The following DPP6 variants were observed in gnomAD, a reference collection of about 807,000 sequenced individuals.
DPP6 encodes dipeptidyl peptidase like 6, also known as A-type potassium channel modulatory protein DPP6.
Under a neutral mutation model 122.6 loss-of-function variants are expected in DPP6, and 69 were observed. The observed-to-expected ratio is 0.56, with a 90% confidence interval of 0.46 to 0.69. The LOEUF (loss-of-function observed/expected upper bound fraction) is 0.69. Ranked by LOEUF, DPP6 falls within the 30% of genes least tolerant of loss-of-function variation. The pLI, the probability that DPP6 is intolerant of heterozygous loss-of-function variation, is 0.00. For missense variants in DPP6, 928 were observed against 1,116.9 expected, an observed-to-expected ratio of 0.83 and a Z score of 2.41; for synonymous variants, 418 against 433.1, an observed-to-expected ratio of 0.97 and a Z score of 0.43.
chr7:154,557,174 A>G (rs964069790), intron 4 of DPP6, among the ~76,000 whole-genome samples: 1 of 152,222 alleles, frequency 6.6e-6, no homozygotes, highest in African/African-American at 2.4e-5. Flanking sequence ...TCCACCAGAT[A>G]AGTGGAGCCA....
Position 154,186,191 on chromosome 7 carries a change from A to G in DPP6, c.243+133128A>G, listed in dbSNP as rs1585580565. 2.0e-5 allele frequency among the ~76,000 whole-genome samples: 3 copies of G among 151,622 alleles called. No homozygotes were observed. The East Asian group carries it at 5.9e-4, about 30-fold the overall frequency. Reference sequence around the variant, plus strand: ...TTCACCAAATATCTGTGTAGATAGGACTGGGAACATCTGATTAAATGTGTT... The same window carrying G: ...TTCACCAAATATCTGTGTAGATAGGGCTGGGAACATCTGATTAAATGTGTT... On this transcript the variant is annotated intron_variant, in intron 1 of 25. Transcript: ENST00000377770.
intron 1 of DPP6, among the ~76,000 whole-genome samples, chr7:154,273,558 A>G (rs966610107): frequency 4.7e-4 from 71 of 152,278 alleles, no homozygotes; most frequent in Non-Finnish European, 3.5e-4. Flanking sequence ...TTTCTGTGTA[A>G]CAATGCACAT....
At chr7:154,511,099 G>A (rs186513873) in intron 3 of DPP6, among the ~76,000 whole-genome samples, 15 of 152,146 alleles carry the variant, frequency 9.9e-5, no homozygotes, top group African/African-American at 3.4e-4. Context: ...AGGAAAATTC[G>A]ATATCACTTT....
At chr7:154,861,663 A>ACAT (rs1436625315) in intron 17 of DPP6, among the ~76,000 whole-genome samples, 8 of 152,264 alleles carry the variant, frequency 5.3e-5, no homozygotes, top group Admixed American at 5.2e-4. Flanking sequence ...CAATTAGGAT[A>ACAT]CATTACATAC....
rs1176206777 is a variant in DPP6, at chr7:154,153,771, T to A, written c.243+100708T>A. On this transcript the variant is annotated intron_variant, in intron 1 of 25. Transcript: ENST00000377770. Reference sequence around the variant, plus strand: ...TTTACTTGAAGCAATAGTCAACACATAGATGAACGGGTGTGACTGTGTACC... The same window carrying A: ...TTTACTTGAAGCAATAGTCAACACAAAGATGAACGGGTGTGACTGTGTACC... Among the ~76,000 whole-genome samples, 6 of 152,312 alleles carry A rather than the reference T, an allele frequency of 3.9e-5. No individual in the cohort carries two copies. The East Asian group carries it at 1.2e-3, about 29-fold the overall frequency.
intron 1 of DPP6, among the ~76,000 whole-genome samples, chr7:154,346,606 C>T (rs982237405): frequency 2.0e-5 from 3 of 152,172 alleles, no homozygotes; most frequent in African/African-American, 4.8e-5. Context: ...AGTGCCCAGG[C>T]CCTCCTTCAC....
At chr7:153,953,769 GACAC>G (rs1444952754) in intron 1 of DPP6, among the ~76,000 whole-genome samples, 2 of 152,020 alleles carry the variant, frequency 1.3e-5, no homozygotes, top group Admixed American at 6.5e-5. Context: ...TGTGCACGTA[GACAC>G]ACACATACAC....
At chr7:154,813,464 T>C (rs940228762) in intron 16 of DPP6, among the ~76,000 whole-genome samples, 1 of 152,136 alleles carries the variant, frequency 6.6e-6, no homozygotes, top group South Asian at 2.1e-4. Context: ...TATATTCGAA[T>C]ACAATATATA....
chr7:154,772,750 C>T (rs1796320153), intron 9 of DPP6, 95 bp from the exon 10 acceptor site: 2 of 1,514,856 alleles, frequency 1.3e-6, no homozygotes, highest in Non-Finnish European at 1.8e-6. Flanking sequence ...TCCTGGAGTC[C>T]CACCTCGGAA....
chr7:154,544,010 A>AAT (rs1563830501), intron 4 of DPP6, among the ~76,000 whole-genome samples: 171 of 149,498 alleles, frequency 1.1e-3, no homozygotes, highest in African/African-American at 4.0e-3. Flanking sequence ...AAAAAAAAAA[A>AAT]AAAGAGTTTC....
chr7:154,794,642 C>T (rs565895395), intron 11 of DPP6, among the ~76,000 whole-genome samples: 8 of 152,314 alleles, frequency 5.3e-5, no homozygotes, highest in Middle Eastern at 6.8e-3. Flanking sequence ...GTGAGGCCAG[C>T]CATGTTTCTA....
chr7:154,228,947 T>C (rs768881141), intron 1 of DPP6, among the ~76,000 whole-genome samples: 1 of 152,154 alleles, frequency 6.6e-6, no homozygotes, highest in Non-Finnish European at 1.5e-5. Context: ...TGGAGCCAAA[T>C]CAGTATGGTA....
At chr7:154,007,076 C>A (rs1797944424) in intron 1 of DPP6, among the ~76,000 whole-genome samples, 1 of 152,256 alleles carries the variant, frequency 6.6e-6, no homozygotes, top group Admixed American at 6.5e-5. Flanking sequence ...CCACTGCCTG[C>A]ACCCACCTGG....
At chr7:154,373,097 A>G (rs1204397959) in intron 1 of DPP6, among the ~76,000 whole-genome samples, 1 of 152,086 alleles carries the variant, frequency 6.6e-6, no homozygotes, top group African/African-American at 2.4e-5. Flanking sequence ...TCTTCCTCAC[A>G]TTCTTTCATT....
Position 154,876,010 on chromosome 7 carries a change from G to A in DPP6, c.1988G>A (p.Arg663His), listed in dbSNP as rs1441382918. ...GCGGTGGTGGTAAAGTGTGACGGCCGTGGCAGCGGCTTCCAAGGGACCAAG... is the reference window on the plus strand; with the variant it reads ...GCGGTGGTGGTAAAGTGTGACGGCCATGGCAGCGGCTTCCAAGGGACCAAG... ...HGAVVVKCDG[R>H]GSGFQGTKLL... The change falls in exon 20 of 26, where the codon CGT becomes CAT. Residue 663 changes from arginine to histidine, a missense_variant. Transcript: ENST00000377770. The A allele has an allele frequency of 6.2e-6, 10 of 1,613,236 alleles. No homozygotes were observed. The highest frequency in any genetic ancestry group is 4.5e-5 in the East Asian group (2 of 44,838).
chr7:154,404,806 A>C (rs370662536), intron 1 of DPP6, among the ~76,000 whole-genome samples: 2 of 152,342 alleles, frequency 1.3e-5, no homozygotes, highest in African/African-American at 4.8e-5. Context: ...AAAAATGTTG[A>C]TATGCTCTGA....
intron 1 of DPP6, among the ~76,000 whole-genome samples, chr7:154,128,713 T>A (rs1181620869): frequency 6.6e-6 from 1 of 151,528 alleles, no homozygotes; most frequent in Non-Finnish European, 1.5e-5. Flanking sequence ...AAAAATACAT[T>A]TACAAAATAA....
chr7:153,960,968 C>T (rs997066718), intron 1 of DPP6, among the ~76,000 whole-genome samples: 1 of 152,172 alleles, frequency 6.6e-6, no homozygotes, highest in African/African-American at 2.4e-5. Context: ...GGCAGTGCTT[C>T]TGACATTGGG....
chr7:154,284,581 G>A (rs567023851), intron 1 of DPP6, among the ~76,000 whole-genome samples: 22 of 152,356 alleles, frequency 1.4e-4, no homozygotes, highest in South Asian at 2.1e-4. Context: ...GAGACTGGGC[G>A]CGTTGGCTTA....
Sources: allele counts gnomAD v4.1 joint callset (sites outside exome capture counted in the v4.1 genomes callset), GRCh38; gene constraint gnomAD v4.1.1; transcripts MANE v1.5; gene names NCBI Gene and HGNC (gene_info 2026-07-23, HGNC 2026-07-21).